Variants in ERG observed in about 807,000 individuals in gnomAD.
ERG encodes the protein ETS transcription factor ERG.
In ERG, 9 loss-of-function variants were observed where a neutral mutation model predicts 55.3. The ratio of observed to expected loss-of-function variants is 0.16; its 90% CI spans 0.10 to 0.28. ERG has a LOEUF of 0.28. Ranked by LOEUF, ERG falls within the 10% of genes least tolerant of loss-of-function variation. The probability of loss-of-function intolerance (pLI) is 1.00; values close to 1 mark genes in which losing one functional copy is unlikely to be tolerated. For synonymous variants in ERG, 223 were observed against 237.3 expected (o/e 0.94, Z 0.55); for missense variants, 434 against 631.6 (o/e 0.69, Z 3.35).
chr21:38,382,207 C>T lies in ERG; in HGVS notation c.*1196G>A. 9.5e-7 allele frequency: 1 copy of T among 1,048,056 alleles called. No homozygotes were observed. The highest frequency in any genetic ancestry group is 4.3e-4 in the Middle Eastern group (1 of 2,300). 64.9% of individuals were successfully genotyped at this position (1,048,056 alleles called of 1,614,324 possible). On this transcript the variant is annotated 3_prime_UTR_variant, in exon 10 of 10. Coordinates refer to ENST00000288319, the MANE Select transcript of ERG (RefSeq NM_182918.4). ...GAGATCAACTCGTAGTGTATAAATG[C>T]ATAAGTTATATAATTATTATATAAA...
chr21:38,368,436 T>C, the ERG span, among the ~76,000 whole-genome samples: 6 of 152,220 alleles, frequency 3.9e-5, no homozygotes, highest in Admixed American at 6.5e-5. Context: ...TATACCTGCA[T>C]TGGCTAATCC....
intron 6 of ERG, among the ~76,000 whole-genome samples, chr21:38,399,715 C>A (rs565985800): frequency 6.6e-6 from 1 of 152,332 alleles, no homozygotes; most frequent in African/African-American, 2.4e-5. Context: ...CATCTTTATG[C>A]CTTTCATGGG....
intron 2 of ERG, among the ~76,000 whole-genome samples, chr21:38,440,349 C>T (rs1363353827): frequency 2.0e-5 from 3 of 152,256 alleles, no homozygotes; most frequent in African/African-American, 7.2e-5. Context: ...CACTGCTCTG[C>T]AGCATCTCAT....
intron 1 of ERG, among the ~76,000 whole-genome samples, chr21:38,598,594 C>A (rs558464382): frequency 2.8e-4 from 43 of 152,308 alleles, no homozygotes; most frequent in African/African-American, 1.0e-3. Flanking sequence ...AGCAGCGGTG[C>A]ACTCTCTAAA....
At chr21:38,569,137 A>T (rs2059941594) in intron 2 of ERG, among the ~76,000 whole-genome samples, 1 of 152,212 alleles carries the variant, frequency 6.6e-6, no homozygotes, top group Admixed American at 6.5e-5. Flanking sequence ...CCTGAGTGGC[A>T]GATGCTGTGT....
intron 2 of ERG, among the ~76,000 whole-genome samples, chr21:38,529,182 T>C (rs1387494103): frequency 6.6e-6 from 1 of 151,910 alleles, no homozygotes; most frequent in East Asian, 1.9e-4. Context: ...AAGTATGAGG[T>C]GGTGTTTAGC....
At chr21:38,422,601 T>C (rs1374944133) in intron 3 of ERG, among the ~76,000 whole-genome samples, 1 of 152,276 alleles carries the variant, frequency 6.6e-6, no homozygotes, top group Non-Finnish European at 1.5e-5. Flanking sequence ...CTTATATTTC[T>C]GGCTTTAGGT....
At chr21:38,426,657 G>T (rs1414441563) in intron 2 of ERG, among the ~76,000 whole-genome samples, 1 of 152,154 alleles carries the variant, frequency 6.6e-6, no homozygotes, top group Non-Finnish European at 1.5e-5. Flanking sequence ...CAGGCCAGGT[G>T]TGGTGACTCA....
intron 6 of ERG, among the ~76,000 whole-genome samples, chr21:38,397,616 A>G (rs1470818404): frequency 6.6e-6 from 1 of 150,518 alleles, no homozygotes; most frequent in East Asian, 1.9e-4. Flanking sequence ...AAAAAAAAAA[A>G]AAGAAGAGAA....
chr21:38,591,952 C>A (rs917978283), intron 1 of ERG, among the ~76,000 whole-genome samples: 1 of 152,106 alleles, frequency 6.6e-6, no homozygotes, highest in Non-Finnish European at 1.5e-5. Context: ...ATAAAGGGAG[C>A]CAGTGGAGTA....
chr21:38,572,645 A>G (rs1188170273), intron 2 of ERG, among the ~76,000 whole-genome samples: 6 of 152,170 alleles, frequency 3.9e-5, no homozygotes. Flanking sequence ...ACACAATTCT[A>G]CCTCGCAGCC....
upstream of ERG, among the ~76,000 whole-genome samples, chr21:38,499,363 C>T (rs554348862): frequency 5.1e-4 from 78 of 152,264 alleles, 1 homozygote; most frequent in African/African-American, 1.8e-3. Context: ...GTTTTCTCCT[C>T]GAAGGAAGTA....
intron 2 of ERG, among the ~76,000 whole-genome samples, chr21:38,566,840 G>C (rs766825774): frequency 2.0e-5 from 3 of 152,198 alleles, no homozygotes; most frequent in Non-Finnish European, 2.9e-5. Context: ...AGCATCCTGG[G>C]CTCCAACCCA....
rs183552674 is a variant in ERG, at chr21:38,455,201, G to A, written c.19-9580C>T. Among the ~76,000 whole-genome samples, 3 of 151,492 alleles carry A rather than the reference G, an allele frequency of 2.0e-5. No individual in the cohort carries two copies. In the East Asian group the frequency reaches 5.8e-4, roughly 29 times the overall value. On this transcript the variant is annotated intron_variant, in intron 1 of 9. Transcript: ENST00000288319. ...TCTGAAGAAAAGTCTTTTCTTCCAG[G>A]ATGTGGAATCCATAATGCTTTCTAT... is the stretch of plus-strand genomic sequence containing the variant.
intron 2 of ERG, among the ~76,000 whole-genome samples, chr21:38,510,049 G>T (rs2059499444): frequency 6.6e-6 from 1 of 152,186 alleles, no homozygotes; most frequent in African/African-American, 2.4e-5. Flanking sequence ...ACGTGCACAG[G>T]TTCACAGAGT....
the ERG span, among the ~76,000 whole-genome samples, chr21:38,367,320 T>A: frequency 3.9e-5 from 6 of 152,130 alleles, no homozygotes; most frequent in Non-Finnish European, 5.9e-5. Flanking sequence ...TATCTCACAG[T>A]TTTGGTGGAT....
intron 1 of ERG, among the ~76,000 whole-genome samples, chr21:38,467,727 A>G (rs144544827): frequency 4.6e-5 from 7 of 152,370 alleles, no homozygotes; most frequent in East Asian, 1.9e-4. Flanking sequence ...GGATCCACTC[A>G]GCAGAAAGGC....
chr21:38,369,416 C>T, the ERG span, among the ~76,000 whole-genome samples: 2 of 152,122 alleles, frequency 1.3e-5, no homozygotes, highest in Non-Finnish European at 2.9e-5. Context: ...TGTATGTTTT[C>T]TTCTGAAAAG....
intron 1 of ERG, among the ~76,000 whole-genome samples, chr21:38,452,014 T>C (rs917213904): frequency 1.3e-5 from 2 of 152,256 alleles, no homozygotes; most frequent in African/African-American, 4.8e-5. Flanking sequence ...AGCATCTAGC[T>C]TTGTGTTCAC....
Sources: gnomAD v4.1 joint callset for allele counts (sites outside exome capture counted in the v4.1 genomes callset) on GRCh38, gnomAD v4.1.1 for gene constraint, MANE v1.5 for transcripts, NCBI Gene and HGNC (gene_info 2026-07-23, HGNC 2026-07-21) for gene names.